Variants in SGCD observed in about 807,000 individuals in gnomAD.
SGCD encodes delta-sarcoglycan.
Under a neutral mutation model 36.6 loss-of-function variants are expected in SGCD, and 18 were observed. The ratio of observed to expected loss-of-function variants is 0.49; its 90% confidence interval spans 0.34 to 0.73. The LOEUF (loss-of-function observed/expected upper bound fraction) is 0.73, where lower values mean the gene tolerates loss of function less well. Among genes scored for constraint, SGCD ranks in the 30% least tolerant of loss-of-function variants. The pLI is 0.01. For synonymous variants in SGCD, 133 were observed against 130.6 expected, an observed-to-expected ratio of 1.02 and a Z score of -0.12; for missense variants, 387 against 346.7, an observed-to-expected ratio of 1.12 and a Z score of -0.92.
intron 3 of SGCD, among the ~76,000 whole-genome samples, chr5:156,482,858 A>G (rs1020558514): frequency 9.8e-5 from 11 of 112,138 alleles, no homozygotes; most frequent in Admixed American, 3.9e-4. Flanking sequence ...GAGACTAGCC[A>G]TATTTGAATT....
intron 1 of SGCD, among the ~76,000 whole-genome samples, chr5:156,061,544 C>T (rs542982437): frequency 6.9e-6 from 1 of 145,790 alleles, no homozygotes; most frequent in African/African-American, 2.5e-5. Context: ...AAAAACAAAC[C>T]CACTGCATGA....
chr5:156,130,930 C>T (rs868370853), intron 3 of SGCD, among the ~76,000 whole-genome samples: 1 of 151,920 alleles, frequency 6.6e-6, no homozygotes, highest in Non-Finnish European at 1.5e-5. Flanking sequence ...GGTTTCACCA[C>T]GTTGGCCAGG....
intron 1 of SGCD, among the ~76,000 whole-genome samples, chr5:156,052,190 C>T (rs776884326): frequency 9.6e-5 from 14 of 146,112 alleles, no homozygotes; most frequent in Non-Finnish European, 1.5e-4. Flanking sequence ...CTGCAAATGT[C>T]GTGAACTTCC....
the SGCD span, among the ~76,000 whole-genome samples, chr5:155,830,707 AAATT>A: frequency 6.6e-6 from 1 of 152,342 alleles, no homozygotes; most frequent in East Asian, 1.9e-4. Context: ...GTTTATTAAT[AAATT>A]GTCACTATTT....
intron 6 of SGCD, among the ~76,000 whole-genome samples, chr5:156,617,210 T>C (rs900239344): frequency 6.6e-6 from 1 of 152,202 alleles, no homozygotes; most frequent in African/African-American, 2.4e-5. Flanking sequence ...TTTTGAATAC[T>C]GAAATGTCTC....
chr5:156,181,134 C>A (rs1321787234), intron 3 of SGCD, among the ~76,000 whole-genome samples: 3 of 152,174 alleles, frequency 2.0e-5, no homozygotes, highest in African/African-American at 7.2e-5. Flanking sequence ...GGTTCTGAAG[C>A]TTATTTCTGA....
intron 1 of SGCD, among the ~76,000 whole-genome samples, chr5:156,073,642 A>G (rs960827767): frequency 6.6e-6 from 1 of 152,210 alleles, no homozygotes; most frequent in African/African-American, 2.4e-5. Context: ...GGGTGACATA[A>G]TTAGAAGTCC....
the SGCD span, among the ~76,000 whole-genome samples, chr5:155,786,303 C>T: frequency 1.3e-5 from 2 of 152,112 alleles, no homozygotes; most frequent in South Asian, 4.1e-4. Context: ...CTTAGAATAT[C>T]TGTCTCCCTG....
chr5:156,314,518 T>C (rs990079148), intron 3 of SGCD, among the ~76,000 whole-genome samples: 1 of 152,058 alleles, frequency 6.6e-6, no homozygotes, highest in Non-Finnish European at 1.5e-5. Context: ...CATCTTTTAT[T>C]CCATCATCTA....
chr5:155,923,371 A>T (rs1405314862), intron 1 of SGCD, among the ~76,000 whole-genome samples: 3 of 152,250 alleles, frequency 2.0e-5, no homozygotes, highest in Non-Finnish European at 4.4e-5. Context: ...CTTTGAGAGT[A>T]AATTAATGCA....
intron 1 of SGCD, among the ~76,000 whole-genome samples, chr5:155,882,963 T>C (rs1755921710): frequency 6.6e-6 from 1 of 152,220 alleles, no homozygotes; most frequent in African/African-American, 2.4e-5. Flanking sequence ...ATACACTGTT[T>C]AGTGACTTCC....
intron 1 of SGCD, among the ~76,000 whole-genome samples, chr5:156,001,085 G>A (rs1489696027): frequency 2.0e-5 from 3 of 152,086 alleles, no homozygotes; most frequent in Non-Finnish European, 2.9e-5. Context: ...GACTTTGTGG[G>A]GTTGACTTCT....
At chr5:155,999,911 C>A (rs1393435047) in intron 1 of SGCD, among the ~76,000 whole-genome samples, 1 of 152,196 alleles carries the variant, frequency 6.6e-6, no homozygotes, top group Non-Finnish European at 1.5e-5. Context: ...TGGAGGCCCA[C>A]CTACTATTGG....
the SGCD span, among the ~76,000 whole-genome samples, chr5:155,754,392 A>G: frequency 1.3e-5 from 2 of 152,218 alleles, no homozygotes; most frequent in East Asian, 1.9e-4. Context: ...AGCCTGCCCT[A>G]TGATTTGTGA....
At chr5:156,363,337 C>T (rs1330453716) in intron 3 of SGCD, among the ~76,000 whole-genome samples, 1 of 152,138 alleles carries the variant, frequency 6.6e-6, no homozygotes, top group Admixed American at 6.5e-5. Context: ...TTAAGGGAGT[C>T]AGTGATTACC....
At chr5:156,528,689 C>G (rs985700573) in intron 4 of SGCD, among the ~76,000 whole-genome samples, 4 of 152,140 alleles carry the variant, frequency 2.6e-5, no homozygotes, top group Admixed American at 2.6e-4. Context: ...TAAGAGAGGG[C>G]TAAAGGTAAT....
chr5:155,835,002 A>ATTTTTTTTTTATTT, the SGCD span, among the ~76,000 whole-genome samples: 1 of 60,184 alleles, frequency 1.7e-5, no homozygotes, highest in Non-Finnish European at 3.1e-5. Flanking sequence ...TGCCCAGCTA[A>ATTTTTTTTTTATTT]TTTTTTTTTT....
chr5:156,101,486 G>A lies in SGCD; in HGVS notation c.-281-16392G>A, dbSNP rs148593115. Among the ~76,000 whole-genome samples, 178 of 152,268 alleles carry A rather than the reference G, an allele frequency of 1.2e-3. 3 individuals are homozygous for A. In the East Asian group the frequency reaches 0.029, roughly 25 times the overall value. ...TTGTTTAACATTGAAGTGACACCCAGAATCTAGAAATATACCTTTGCCTTA... is the reference window on the plus strand; with the variant it reads ...TTGTTTAACATTGAAGTGACACCCAAAATCTAGAAATATACCTTTGCCTTA... On this transcript the variant is annotated intron_variant, in intron 1 of 9. Transcript: ENST00000517913.
chr5:155,834,537 T>C, the SGCD span, among the ~76,000 whole-genome samples: 1 of 152,240 alleles, frequency 6.6e-6, no homozygotes, highest in Non-Finnish European at 1.5e-5. Context: ...GTTTTACTTA[T>C]AATTAATAAT....
Sources: gnomAD v4.1 joint callset for allele counts (sites outside exome capture counted in the v4.1 genomes callset) on GRCh38, gnomAD v4.1.1 for gene constraint, MANE v1.5 for transcripts, NCBI Gene and HGNC (gene_info 2026-07-23, HGNC 2026-07-21) for gene names.